ETFBKMT: variants seen among roughly 807,000 people sequenced by gnomAD.
ETFBKMT encodes the protein electron transfer flavoprotein subunit beta lysine methyltransferase, also known as electron transfer flavoprotein beta subunit lysine methyltransferase.
ETFBKMT carries 13 observed loss-of-function variants against 18.3 expected under a neutral mutation model. The ratio of observed to expected loss-of-function variants is 0.71; its 90% CI spans 0.46 to 1.13. The LOEUF (loss-of-function observed/expected upper bound fraction) is 1.13, where lower values mean the gene tolerates loss of function less well. Among genes scored for constraint, ETFBKMT ranks in the 50% most tolerant of loss-of-function variants. The pLI, the probability that ETFBKMT is intolerant of heterozygous loss-of-function variation, is 0.00. For synonymous variants in ETFBKMT, 84 were observed against 107.9 expected (o/e 0.78, Z 1.37); for missense variants, 293 against 306.2 (o/e 0.96, Z 0.32).
intron 1 of ETFBKMT, among the ~76,000 whole-genome samples, chr12:31,647,522 C>A (rs1028146299): frequency 6.6e-6 from 1 of 152,100 alleles, no homozygotes; most frequent in Admixed American, 6.6e-5. Context: ...ATACCTACAT[C>A]CTATGCTTAT....
At chr12:31,664,169 C>A (rs1951164464) in intron 2 of ETFBKMT, among the ~76,000 whole-genome samples, 2 of 151,828 alleles carry the variant, frequency 1.3e-5, no homozygotes, top group African/African-American at 4.8e-5. Context: ...TTACTCCAAT[C>A]CGAAGATCAA....
At chr12:31,659,379 G>C (rs1035719661), upstream of ETFBKMT, 1 of 152,258 alleles carries the variant, frequency 6.6e-6, no homozygotes. Flanking sequence ...AGACAGGGAG[G>C]ACGGTGCCTG....
chr12:31,663,504 G>A (rs980781667), intron 2 of ETFBKMT, among the ~76,000 whole-genome samples: 1 of 152,216 alleles, frequency 6.6e-6, no homozygotes, highest in African/African-American at 2.4e-5. Flanking sequence ...GGGATTACAG[G>A]CATGAGCCAT....
intron 1 of ETFBKMT, among the ~76,000 whole-genome samples, chr12:31,652,331 A>G (rs1322231690): frequency 1.3e-5 from 2 of 152,176 alleles, no homozygotes; most frequent in Admixed American, 6.5e-5. Context: ...GCGCCTGACG[A>G]CAAACCCCGG....
At position 31,670,612 on chromosome 12, in the gene ETFBKMT, A is replaced by G. The variant is rs1045809942; in HGVS notation, c.*2622A>G. ...CTCCTTAGTAGCTAGGACTGTAGGCATGCACCACCATGATGCCTGGCTAGT... is the reference window on the plus strand; with the variant it reads ...CTCCTTAGTAGCTAGGACTGTAGGCGTGCACCACCATGATGCCTGGCTAGT... On this transcript the variant is annotated 3_prime_UTR_variant, in exon 4 of 4. Transcript: ENST00000357721. 8.5e-5 allele frequency: 13 copies of G among 152,066 alleles called. No homozygotes were observed. Among genetic ancestry groups the G allele is most frequent in the Non-Finnish European group, 1.5e-5 (1 of 68,038 alleles). The allele number at this position is 152,066 out of a possible 1,614,324, so 9.4% of individuals were successfully genotyped here.
In ETFBKMT at chr12:31,669,506, T is replaced by A. The variant is rs1951238661; in HGVS notation, c.*1516T>A. The A allele has an allele frequency of 6.6e-6, 1 of 152,198 alleles. No homozygotes were observed. Among genetic ancestry groups the A allele is most frequent in the Non-Finnish European group, 1.5e-5 (1 of 68,040 alleles). 9.4% of individuals were successfully genotyped at this position (152,198 alleles called of 1,614,324 possible). ...GTTTCCCTTGAGAACTGGCTTTTGT[T>A]AAGGAGAACTGAACACTTGGGCATA... On this transcript the variant is annotated 3_prime_UTR_variant, in exon 4 of 4. Transcript: ENST00000357721.
At chr12:31,651,383 C>G (rs1368663058) in intron 1 of ETFBKMT, among the ~76,000 whole-genome samples, 1 of 150,966 alleles carries the variant, frequency 6.6e-6, no homozygotes, top group African/African-American at 2.4e-5. Flanking sequence ...AATCTCGGCT[C>G]ACTGCAACCT....
intron 1 of ETFBKMT, among the ~76,000 whole-genome samples, chr12:31,652,934 C>A (rs894472850): frequency 7.9e-5 from 12 of 152,206 alleles, no homozygotes; most frequent in Non-Finnish European, 1.6e-4. Context: ...CCAGGCCGGT[C>A]GCGGTGGCTC....
intron 1 of ETFBKMT, among the ~76,000 whole-genome samples, chr12:31,649,125 G>A (rs1431020577): frequency 6.6e-6 from 1 of 152,106 alleles, no homozygotes; most frequent in Non-Finnish European, 1.5e-5. Flanking sequence ...CTAATGTTTT[G>A]TATTTTAGTA....
At chr12:31,649,389 CAT>C (rs1358693168) in intron 1 of ETFBKMT, among the ~76,000 whole-genome samples, 1 of 152,176 alleles carries the variant, frequency 6.6e-6, no homozygotes, top group Non-Finnish European at 1.5e-5. Context: ...CAAAGGACTG[CAT>C]ATGATTCCAC....
upstream of ETFBKMT, among the ~76,000 whole-genome samples, chr12:31,654,510 A>G (rs985295929): frequency 7.9e-5 from 12 of 152,382 alleles, 1 homozygote; most frequent in Admixed American, 2.0e-4. Context: ...AGTAAAAGAA[A>G]GAAAGAACTC....
At chr12:31,664,054 T>C (rs1244727777) in intron 2 of ETFBKMT, among the ~76,000 whole-genome samples, 1 of 151,364 alleles carries the variant, frequency 6.6e-6, no homozygotes, top group Non-Finnish European at 1.5e-5. Context: ...CTATCTTGTA[T>C]GCTTTGCTTT....
intron 1 of ETFBKMT, among the ~76,000 whole-genome samples, chr12:31,653,235 T>A (rs1251691534): frequency 6.7e-6 from 1 of 150,306 alleles, no homozygotes; most frequent in African/African-American, 2.4e-5. Context: ...AAGGTACCAG[T>A]GTGTAGTAAC....
Position 31,672,474 on chromosome 12 carries a change from T to C in ETFBKMT, c.*4484T>C, listed in dbSNP as rs1592142257. Reference sequence around the variant, plus strand: ...GAGGTGATGTTAATTATTATACAGTTATTTAAAGGATTAAAGGAGGTGATC... The same window carrying C: ...GAGGTGATGTTAATTATTATACAGTCATTTAAAGGATTAAAGGAGGTGATC... On this transcript the variant is annotated 3_prime_UTR_variant, in exon 4 of 4. Transcript: ENST00000357721. The C allele has an allele frequency of 2.3e-6, 2 of 866,304 alleles. No homozygotes were observed. The highest frequency in any genetic ancestry group is 5.4e-5 in the East Asian group (2 of 37,372). 53.7% of individuals were successfully genotyped at this position (866,304 alleles called of 1,614,324 possible). A position where few individuals can be genotyped will look rare whatever the true frequency, so the allele number is the denominator to read the frequency against.
At position 31,668,889 on chromosome 12, in the gene ETFBKMT, T is replaced by G. The variant is rs979596258; in HGVS notation, c.*899T>G. On this transcript the variant is annotated 3_prime_UTR_variant, in exon 4 of 4. Coordinates refer to ENST00000357721, the MANE Select transcript of ETFBKMT (RefSeq NM_001135863.2). ...ATCATTCTTGCGTGTTGTATGCTTT[T>G]CGCATTAGAGCCCTTTGCATGTTAA... 1.3e-5 allele frequency: 2 copies of G among 152,246 alleles called. No individual in the cohort carries two copies. Among genetic ancestry groups the G allele is most frequent in the Non-Finnish European group, 2.9e-5 (2 of 68,042 alleles). 9.4% of individuals were successfully genotyped at this position (152,246 alleles called of 1,614,324 possible). A position where few individuals can be genotyped will look rare whatever the true frequency, so the allele number is the denominator to read the frequency against.
At chr12:31,649,131 T>C (rs749727586) in intron 1 of ETFBKMT, among the ~76,000 whole-genome samples, 4 of 152,218 alleles carry the variant, frequency 2.6e-5, no homozygotes, top group Non-Finnish European at 2.9e-5. Flanking sequence ...TTTTGTATTT[T>C]AGTAGAGACG....
intron 1 of ETFBKMT, among the ~76,000 whole-genome samples, chr12:31,650,305 G>C (rs1951005343): frequency 6.6e-6 from 1 of 152,002 alleles, no homozygotes; most frequent in Admixed American, 6.6e-5. Flanking sequence ...CCAGTGCCAT[G>C]ACAGTTTACA....
chr12:31,663,836 C>CT (rs77970904), intron 2 of ETFBKMT, among the ~76,000 whole-genome samples: 15,322 of 152,090 alleles, frequency 0.1, 1,118 homozygotes, highest in East Asian at 0.28. Context: ...CTAAACCGCA[C>CT]TTTATTTCTC....
intron 2 of ETFBKMT, among the ~76,000 whole-genome samples, chr12:31,665,827 G>A (rs1051073732): frequency 3.9e-5 from 6 of 152,250 alleles, no homozygotes; most frequent in Admixed American, 2.6e-4. Flanking sequence ...GGCACAGATC[G>A]CCCATGCTAT....
Sources: allele counts gnomAD v4.1 joint callset (sites outside exome capture counted in the v4.1 genomes callset), GRCh38; gene constraint gnomAD v4.1.1; transcripts MANE v1.5; gene names NCBI Gene and HGNC (gene_info 2026-07-23, HGNC 2026-07-21).